Variants in EVI5 observed in about 807,000 individuals in gnomAD.
EVI5 encodes ecotropic viral integration site 5.
A neutral mutation model predicts 112.0 loss-of-function variants in EVI5; 73 were observed. The observed-to-expected ratio is 0.65, with a 90% CI of 0.54 to 0.79. The LOEUF is 0.79. Among genes scored for constraint, EVI5 ranks in the 30% least tolerant of loss-of-function variants. The probability of loss-of-function intolerance (pLI) is 0.00; values close to 1 mark genes in which losing one functional copy is unlikely to be tolerated. For synonymous variants in EVI5, 305 were observed against 319.9 expected, an observed-to-expected ratio of 0.95 and a Z score of 0.50; for missense variants, 900 against 968.8, an observed-to-expected ratio of 0.93 and a Z score of 0.94.
chr1:92,540,864 AG>A (rs1295229069), intron 19 of EVI5, among the ~76,000 whole-genome samples: 6 of 152,156 alleles, frequency 3.9e-5, no homozygotes. Flanking sequence ...ACCTGAGGTC[AG>A]GAGTTTGAGT....
intron 2 of EVI5, among the ~76,000 whole-genome samples, chr1:92,728,547 C>A (rs761878323): frequency 3.3e-5 from 5 of 152,102 alleles, no homozygotes; most frequent in Admixed American, 6.6e-5. Flanking sequence ...GCCACCATGC[C>A]CAGCTAATTG....
At chr1:92,602,945 T>C (rs189833161) in intron 18 of EVI5, among the ~76,000 whole-genome samples, 37 of 152,202 alleles carry the variant, frequency 2.4e-4, no homozygotes, top group Admixed American at 1.5e-3. Flanking sequence ...GCAAACCATA[T>C]ATATGATAAG....
chr1:92,690,477 G>T (rs1373637723), intron 9 of EVI5, among the ~76,000 whole-genome samples: 2 of 151,396 alleles, frequency 1.3e-5, no homozygotes, highest in African/African-American at 4.9e-5. Flanking sequence ...TGAGTAGCTG[G>T]AACTAAAGGT....
intron 19 of EVI5, among the ~76,000 whole-genome samples, chr1:92,529,437 G>C (rs768097004): frequency 1.3e-5 from 2 of 152,168 alleles, no homozygotes; most frequent in African/African-American, 4.8e-5. Context: ...TCAAGTATCA[G>C]TAATTTATTT....
At chr1:92,518,442 C>T (rs988080333) in intron 19 of EVI5, among the ~76,000 whole-genome samples, 3 of 151,972 alleles carry the variant, frequency 2.0e-5, no homozygotes, top group African/African-American at 7.3e-5. Flanking sequence ...TAAAAGACTC[C>T]TATCTGAGGG....
chr1:92,663,331 T>C (rs1664339544), intron 12 of EVI5, 89 bp downstream of exon 12: 3 of 554,708 alleles, frequency 5.4e-6, no homozygotes, highest in Non-Finnish European at 9.1e-6. Context: ...TAAAATTGCA[T>C]GCATTAAAAT....
At chr1:92,631,165 T>A (rs1389862898) in intron 14 of EVI5, among the ~76,000 whole-genome samples, 1 of 152,068 alleles carries the variant, frequency 6.6e-6, no homozygotes, top group Non-Finnish European at 1.5e-5. Flanking sequence ...CAATGCAGGC[T>A]CTTTTTTGGT....
chr1:92,595,625 A>T (rs1488239611), intron 18 of EVI5, among the ~76,000 whole-genome samples: 3 of 152,208 alleles, frequency 2.0e-5, no homozygotes, highest in Non-Finnish European at 4.4e-5. Flanking sequence ...AGGGAGAAAA[A>T]CATGGAGGAA....
In EVI5 at chr1:92,764,834, G is replaced by T. The variant is rs1020309326; in HGVS notation, c.-82+20002C>A. Among the ~76,000 whole-genome samples, 9 of 152,108 alleles carry T rather than the reference G, an allele frequency of 5.9e-5. 1 individual carries two copies. The highest frequency in any genetic ancestry group is 3.9e-4 in the Admixed American group (6 of 15,262). On this transcript the variant is annotated intron_variant, in intron 1 of 19. Transcript: ENST00000684568. The stretch of plus-strand genomic sequence containing the variant: ...ATAAATAACAAATTACAATTTATTT[G>T]TTACAAATAACGAAAATTACCATGG...
At chr1:92,578,573 C>G (rs185879572) in intron 18 of EVI5, among the ~76,000 whole-genome samples, 86 of 152,120 alleles carry the variant, frequency 5.7e-4, no homozygotes, top group African/African-American at 2.0e-3. Flanking sequence ...AAAAAATTAG[C>G]TGGGCGTGGT....
At chr1:92,574,350 C>T (rs1202866253) in intron 18 of EVI5, among the ~76,000 whole-genome samples, 1 of 152,166 alleles carries the variant, frequency 6.6e-6, no homozygotes, top group African/African-American at 2.4e-5. Context: ...GCATTTTATT[C>T]AGAGGTGTCT....
intron 11 of EVI5, 33 bp downstream of exon 11, chr1:92,665,906 A>C (rs1203495374): frequency 6.8e-7 from 1 of 1,472,816 alleles, no homozygotes. Flanking sequence ...CCAGGCATTC[A>C]ACAGAAGCTT....
intron 19 of EVI5, among the ~76,000 whole-genome samples, chr1:92,559,825 T>A (rs907956216): frequency 7.0e-6 from 1 of 143,518 alleles, no homozygotes; most frequent in Non-Finnish European, 1.5e-5. Context: ...ATGCAACTTA[T>A]ATGTGACCTC....
chr1:92,614,847 T>C (rs1652694801), intron 16 of EVI5, among the ~76,000 whole-genome samples: 1 of 5,808 alleles, frequency 1.7e-4, no homozygotes, highest in Non-Finnish European at 2.6e-4. Flanking sequence ...ATTTTATATA[T>C]ATATATATAT....
intron 1 of EVI5, among the ~76,000 whole-genome samples, chr1:92,771,608 CTTTTTTT>C (rs10541210): frequency 2.1e-5 from 3 of 139,902 alleles, no homozygotes; most frequent in Non-Finnish European, 1.6e-5. Context: ...ATTTTCTTTT[CTTTTTTT>C]TTTTTTTTTG....
intron 13 of EVI5, among the ~76,000 whole-genome samples, chr1:92,638,953 A>T (rs1659413825): frequency 6.6e-6 from 1 of 152,200 alleles, no homozygotes; most frequent in Non-Finnish European, 1.5e-5. Context: ...GTATTAAGAA[A>T]TTCCTAGAAG....
chr1:92,563,117 A>G (rs1668884182), intron 19 of EVI5, among the ~76,000 whole-genome samples: 1 of 152,176 alleles, frequency 6.6e-6, no homozygotes, highest in African/African-American at 2.4e-5. Flanking sequence ...AAATTTTGTG[A>G]GTTGAATCTC....
rs149599717 is a variant in EVI5 at position 92,637,207 on chromosome 1, G to C, written c.1393-871C>G. The stretch of plus-strand genomic sequence containing the variant: ...AGCCTGGCCAACGTGGTGAAACCCT[G>C]TCTCTACTAAAAATACAAAAATTAG... On this transcript the variant is annotated intron_variant, in intron 13 of 19. Coordinates refer to ENST00000684568, the MANE Select transcript of EVI5 (RefSeq NM_001350197.2). 7.4e-3 allele frequency among the ~76,000 whole-genome samples: 1,132 copies of C among 152,128 alleles called. 9 individuals carry two copies. Among genetic ancestry groups the C allele is most frequent in the Admixed American group, 0.013 (204 of 15,268 alleles).
chr1:92,516,005 T>A (rs982595049), intron 19 of EVI5, among the ~76,000 whole-genome samples: 1 of 152,200 alleles, frequency 6.6e-6, no homozygotes, highest in Admixed American at 6.5e-5. Flanking sequence ...GAGGGATCTA[T>A]ACTTGGAGTT....
Sources: gnomAD v4.1 joint callset for allele counts (sites outside exome capture counted in the v4.1 genomes callset) on GRCh38, gnomAD v4.1.1 for gene constraint, MANE v1.5 for transcripts, NCBI Gene and HGNC (gene_info 2026-07-23, HGNC 2026-07-21) for gene names.